The following PPP1R16B variants were observed in gnomAD, a reference collection of about 807,000 sequenced individuals.
PPP1R16B encodes protein phosphatase 1 regulatory inhibitor subunit 16B.
In PPP1R16B, 14 loss-of-function variants were observed where a neutral mutation model predicts 61.7. The observed-to-expected ratio is 0.23, with a 90% CI of 0.15 to 0.35. The LOEUF is 0.35. Among genes scored for constraint, PPP1R16B ranks in the 10% least tolerant of loss-of-function variants. PPP1R16B has a pLI of 1.00. For missense variants in PPP1R16B, 547 were observed against 752.5 expected (o/e 0.73, Z 3.19); for synonymous variants, 266 against 305.3 (o/e 0.87, Z 1.34).
At chr20:38,829,463 C>T (rs895183225) in intron 1 of PPP1R16B, among the ~76,000 whole-genome samples, 4 of 152,180 alleles carry the variant, frequency 2.6e-5, no homozygotes, top group East Asian at 3.8e-4. Flanking sequence ...CAGGATGTTC[C>T]GTCTGGATTT....
intron 2 of PPP1R16B, among the ~76,000 whole-genome samples, chr20:38,887,226 A>G (rs6129123): frequency 0.081 from 12,336 of 152,274 alleles, 578 homozygotes; most frequent in Admixed American, 0.13. Flanking sequence ...GTAACTGACA[A>G]AAGACTATTG....
In PPP1R16B at chr20:38,830,968, A is replaced by G. The variant is rs762159174; in HGVS notation, c.-101-4857A>G. ...CACTCAGAGGTGATCAGTCATAATAATGAAGAAATGAGTAACTGTGTTCAG... is the reference window on the plus strand; with the variant it reads ...CACTCAGAGGTGATCAGTCATAATAGTGAAGAAATGAGTAACTGTGTTCAG... On this transcript the variant is annotated intron_variant, in intron 1 of 10. Coordinates refer to ENST00000299824, the MANE Select transcript of PPP1R16B (RefSeq NM_015568.4). 5.6e-4 allele frequency among the ~76,000 whole-genome samples: 85 copies of G among 152,206 alleles called. 1 individual carries two copies. The highest frequency in any genetic ancestry group is 2.2e-4 in the Non-Finnish European group (15 of 68,040).
chr20:38,884,373 C>T (rs970609212), intron 2 of PPP1R16B, among the ~76,000 whole-genome samples: 1 of 152,214 alleles, frequency 6.6e-6, no homozygotes, highest in Middle Eastern at 3.2e-3. Context: ...CCATACAGGA[C>T]TTTGAAGACC....
intron 10 of PPP1R16B, among the ~76,000 whole-genome samples, chr20:38,915,529 AGGCT>A (rs1469859003): frequency 6.6e-6 from 1 of 152,184 alleles, no homozygotes; most frequent in Non-Finnish European, 1.5e-5. Context: ...TTTATTGCCC[AGGCT>A]GGAGTGCAGT....
intron 1 of PPP1R16B, among the ~76,000 whole-genome samples, chr20:38,832,172 T>A (rs2084841564): frequency 6.6e-6 from 1 of 152,216 alleles, no homozygotes; most frequent in Admixed American, 6.5e-5. Flanking sequence ...AATGACTTAA[T>A]CACTCTGTGC....
chr20:38,889,629 T>C lies in PPP1R16B; in HGVS notation c.285T>C (p.Asp95=). The C allele has an allele frequency of 6.2e-7, 1 of 1,600,944 alleles. No individual in the cohort carries two copies. Residue 95 remains aspartate, a synonymous_variant, in exon 3 of 11, where the codon GAT becomes GAC. Transcript: ENST00000299824. ...RYFLKNKVSP[D]LCNEDGLTAL... ...TCCTGAAGAATAAGGTCAGCCCTGA[T>C]TTGTGCAATGAGGACGGACTCACAG...
intron 2 of PPP1R16B, among the ~76,000 whole-genome samples, chr20:38,876,905 G>C (rs1292584525): frequency 6.6e-6 from 1 of 152,190 alleles, no homozygotes. Context: ...AAAAATCCCT[G>C]ATAAATCATA....
chr20:38,858,281 G>C (rs528840044), intron 2 of PPP1R16B, among the ~76,000 whole-genome samples: 1 of 152,264 alleles, frequency 6.6e-6, no homozygotes, highest in South Asian at 2.1e-4. Flanking sequence ...CAAGACAGCT[G>C]TCTTCTCTGA....
chr20:38,901,966 AAG>A (rs1258879292), intron 5 of PPP1R16B, among the ~76,000 whole-genome samples: 6 of 152,202 alleles, frequency 3.9e-5, no homozygotes, highest in Non-Finnish European at 8.8e-5. Context: ...GCTTAGTCAA[AAG>A]AAATGTGTGA....
chr20:38,844,118 T>C (rs1339769281), intron 2 of PPP1R16B, among the ~76,000 whole-genome samples: 1 of 152,066 alleles, frequency 6.6e-6, no homozygotes, highest in Non-Finnish European at 1.5e-5. Context: ...CCATGTGTAC[T>C]TTTTTTTAAT....
intron 2 of PPP1R16B, among the ~76,000 whole-genome samples, chr20:38,841,352 TGAAAAAAAAA>T: frequency 1.3e-5 from 1 of 78,248 alleles, no homozygotes; most frequent in Non-Finnish European, 2.4e-5. Context: ...CTGTCTGTAC[TGAAAAAAAAA>T]AAAAAAAAAA....
At chr20:38,855,941 TATAG>T (rs1168370295) in intron 2 of PPP1R16B, among the ~76,000 whole-genome samples, 6 of 25,372 alleles carry the variant, frequency 2.4e-4, no homozygotes, top group African/African-American at 1.2e-3. Flanking sequence ...TATATATATA[TATAG>T]AGAGAGAGAG....
In PPP1R16B at chr20:38,895,584, AG is replaced by A; in HGVS notation, c.343del (p.Glu115LysfsTer3). On this transcript the variant is annotated frameshift_variant, in exon 4 of 11. Coordinates refer to ENST00000299824, the MANE Select transcript of PPP1R16B (RefSeq NM_015568.4). LOFTEE classifies it high-confidence loss of function. Reference sequence around the variant, plus strand: ...TCCCAGTGCTGCATCGACAACTTTGAGGAAATTGTGAAGCTGCTCCTCTCCC... The same window carrying A: ...TCCCAGTGCTGCATCGACAACTTTGAGAAATTGTGAAGCTGCTCCTCTCCC... The part of the protein sequence containing the change: ...ALHQCCIDNF[E>X]EIVKLLLSHG... 6.2e-7 allele frequency: 1 copy of A among 1,613,848 alleles called. No homozygotes were observed. Among genetic ancestry groups the A allele is most frequent in the Non-Finnish European group, 8.5e-7 (1 of 1,179,800 alleles).
At chr20:38,857,408 T>G (rs1238073627) in intron 2 of PPP1R16B, among the ~76,000 whole-genome samples, 2 of 152,236 alleles carry the variant, frequency 1.3e-5, no homozygotes, top group African/African-American at 2.4e-5. Context: ...TATTCCTTAT[T>G]TAATGAAAGC....
chr20:38,903,406 C>T (rs985688765), intron 6 of PPP1R16B, among the ~76,000 whole-genome samples: 1 of 152,158 alleles, frequency 6.6e-6, no homozygotes, highest in Non-Finnish European at 1.5e-5. Context: ...CCTCTCCTAC[C>T]CTAGCACCCC....
chr20:38,873,091 T>G (rs1220956871), intron 2 of PPP1R16B: 1 of 152,232 alleles, frequency 6.6e-6, no homozygotes, highest in African/African-American at 2.4e-5. Context: ...GGAGGGTGCG[T>G]CAGGACCCAG....
At chr20:38,889,548 C>T (rs1601292539) in intron 2 of PPP1R16B, 47 bp from the exon 3 acceptor site, 2 of 1,507,018 alleles carry the variant, frequency 1.3e-6, no homozygotes, top group Non-Finnish European at 1.8e-6. Context: ...CATGCCTGCA[C>T]ACCCAGTGTG....
chr20:38,875,859 C>G (rs1370136943), intron 2 of PPP1R16B, among the ~76,000 whole-genome samples: 1 of 151,912 alleles, frequency 6.6e-6, no homozygotes, highest in Non-Finnish European at 1.5e-5. Context: ...TGTCTGTTCC[C>G]TTCCTGGCCA....
intron 10 of PPP1R16B, among the ~76,000 whole-genome samples, chr20:38,909,159 G>A (rs1216058668): frequency 1.3e-5 from 2 of 151,944 alleles, no homozygotes; most frequent in Non-Finnish European, 2.9e-5. Context: ...GGGCCATCAC[G>A]ACTGGCTAAT....
Sources: gnomAD v4.1 joint callset for allele counts (sites outside exome capture counted in the v4.1 genomes callset) on GRCh38, gnomAD v4.1.1 for gene constraint, MANE v1.5 for transcripts, NCBI Gene and HGNC (gene_info 2026-07-23, HGNC 2026-07-21) for gene names.